Variants in SHC4 observed in about 807,000 individuals in gnomAD.
SHC4 encodes the protein SHC-transforming protein 4.
Under a neutral mutation model 69.4 loss-of-function variants are expected in SHC4, and 41 were observed. The ratio of observed to expected loss-of-function variants is 0.59; its 90% CI spans 0.46 to 0.77. The LOEUF is 0.77. Among genes scored for constraint, SHC4 ranks in the 30% least tolerant of loss-of-function variants. SHC4 has a pLI of 0.00. For synonymous variants in SHC4, 318 were observed against 299.3 expected (o/e 1.06, Z -0.64); for missense variants, 777 against 783.8 (o/e 0.99, Z 0.10).
intron 4 of SHC4, 127 bp from the exon 5 acceptor site, chr15:48,872,269 C>A: frequency 1.8e-6 from 1 of 543,942 alleles, no homozygotes; most frequent in Non-Finnish European, 3.2e-6. Context: ...TGAAAACCAC[C>A]CAACCTACAC....
intron 2 of SHC4, among the ~76,000 whole-genome samples, chr15:48,894,431 T>C (rs948089020): frequency 2.0e-5 from 3 of 152,174 alleles, no homozygotes; most frequent in Non-Finnish European, 4.4e-5. Flanking sequence ...GGAGTTTTGC[T>C]AGTGTGAGGC....
intron 6 of SHC4, among the ~76,000 whole-genome samples, chr15:48,867,285 A>G (rs1734186411): frequency 6.6e-6 from 1 of 152,228 alleles, no homozygotes; most frequent in African/African-American, 2.4e-5. Flanking sequence ...TTGTGATGCA[A>G]CAAGGTAGGA....
intron 11 of SHC4, among the ~76,000 whole-genome samples, chr15:48,829,764 T>C (rs1385939065): frequency 6.6e-5 from 10 of 152,068 alleles, no homozygotes; most frequent in Non-Finnish European, 1.2e-4. Flanking sequence ...ACTAAAAATA[T>C]ATAAATTAGC....
At chr15:48,866,128 G>A (rs1899554365) in intron 6 of SHC4, among the ~76,000 whole-genome samples, 1 of 152,110 alleles carries the variant, frequency 6.6e-6, no homozygotes. Flanking sequence ...AAGACAAAAA[G>A]TGTTGTTGTT....
Position 48,867,851 on chromosome 15 carries a change from C to T in SHC4, c.913G>A (p.Ala305Thr). The change falls in exon 6 of 12, where the codon GCC becomes ACC. Residue 305 changes from alanine to threonine, a missense_variant. By Grantham distance (58) the Ala-to-Thr change is moderately conservative. Transcript: ENST00000332408. ...GGDPDTTDYVAYVAKDPVNQR... is the reference protein window; with the variant it reads ...GGDPDTTDYVTYVAKDPVNQR... ...TTAACTGGATCTTTAGCTACGTAGGCAACATAGTCTGTAGTATCCTATAAA... is the reference window on the plus strand; with the variant it reads ...TTAACTGGATCTTTAGCTACGTAGGTAACATAGTCTGTAGTATCCTATAAA... 1.2e-6 allele frequency: 2 copies of T among 1,613,430 alleles called. No individual in the cohort carries two copies. Among genetic ancestry groups the T allele is most frequent in the South Asian group, 1.1e-5 (1 of 91,022 alleles).
intron 6 of SHC4, among the ~76,000 whole-genome samples, chr15:48,867,593 G>A (rs548840007): frequency 4.6e-5 from 7 of 152,248 alleles, no homozygotes; most frequent in African/African-American, 1.7e-4. Flanking sequence ...CTAAGCCTTT[G>A]GTTTGTGGAT....
chr15:48,841,362 T>C lies in SHC4; in HGVS notation c.1483+2047A>G, dbSNP rs1023810430. Among the ~76,000 whole-genome samples, 7 of 152,248 alleles carry C rather than the reference T, an allele frequency of 4.6e-5. No individual in the cohort carries two copies. In the East Asian group the frequency reaches 1.2e-3, roughly 25 times the overall value. On this transcript the variant is annotated intron_variant, in intron 10 of 11. Coordinates refer to ENST00000332408, the MANE Select transcript of SHC4 (RefSeq NM_203349.4). ...AGTTGAGTAAGCTTAACAGCAAAAA[T>C]CTGAATTTGTTTCACATCTCATCAC...
chr15:48,926,394 T>C (rs1900854375), intron 1 of SHC4, among the ~76,000 whole-genome samples: 1 of 152,148 alleles, frequency 6.6e-6, no homozygotes, highest in Non-Finnish European at 1.5e-5. Context: ...GCAAAAACAC[T>C]GTCAAAAGAT....
intron 6 of SHC4, among the ~76,000 whole-genome samples, 175 bp from the exon 7 acceptor site, chr15:48,857,990 A>C (rs999635761): frequency 1.3e-5 from 2 of 152,214 alleles, no homozygotes; most frequent in Non-Finnish European, 2.9e-5. Flanking sequence ...ACATGAATCA[A>C]AGAGAAGAAA....
chr15:48,950,116 TATA>T (rs1480461651), intron 1 of SHC4, among the ~76,000 whole-genome samples: 7 of 144,086 alleles, frequency 4.9e-5, no homozygotes, highest in Non-Finnish European at 7.6e-5. Flanking sequence ...TACATAATTA[TATA>T]ATAATATGTG....
intron 8 of SHC4, among the ~76,000 whole-genome samples, chr15:48,853,348 A>G (rs1029980532): frequency 6.6e-6 from 1 of 152,260 alleles, no homozygotes; most frequent in Admixed American, 6.5e-5. Context: ...ACACAAATGA[A>G]AAAGCATTCC....
At chr15:48,853,256 T>C (rs1899249848) in intron 8 of SHC4, among the ~76,000 whole-genome samples, 1 of 151,976 alleles carries the variant, frequency 6.6e-6, no homozygotes, top group African/African-American at 2.4e-5. Flanking sequence ...TAAAATAAAA[T>C]ACCTAGGAAT....
At chr15:48,905,931 C>T (rs1050475815) in intron 2 of SHC4, among the ~76,000 whole-genome samples, 1 of 152,154 alleles carries the variant, frequency 6.6e-6, no homozygotes, top group Non-Finnish European at 1.5e-5. Context: ...TTAGCCACAA[C>T]ATATTTTTAG....
intron 8 of SHC4, among the ~76,000 whole-genome samples, chr15:48,853,909 C>T (rs1730170450): frequency 6.6e-6 from 1 of 152,092 alleles, no homozygotes; most frequent in Admixed American, 6.5e-5. Flanking sequence ...TTCTGGACAT[C>T]AGCCTTCGGA....
At chr15:48,855,414 A>G (rs979370538) in intron 8 of SHC4, among the ~76,000 whole-genome samples, 25 of 152,284 alleles carry the variant, frequency 1.6e-4, no homozygotes, top group African/African-American at 6.0e-4. Flanking sequence ...ATGTTAACAC[A>G]AAGACAGGGA....
In SHC4 at chr15:48,947,629, C is replaced by A. The variant is rs547261182; in HGVS notation, c.585+14802G>T. 1.5e-4 allele frequency among the ~76,000 whole-genome samples: 23 copies of A among 152,210 alleles called. No homozygotes were observed. The South Asian group carries it at 4.6e-3, about 30-fold the overall frequency. ...CTGGAGGCCTTTGAGTCCCTAGAAG[C>A]ATTGGGTAAATAAGAGCTAAAATAT... is the stretch of plus-strand genomic sequence containing the variant. On this transcript the variant is annotated intron_variant, in intron 1 of 11. Transcript: ENST00000332408.
intron 1 of SHC4, among the ~76,000 whole-genome samples, chr15:48,952,905 C>T (rs1021457266): frequency 2.6e-5 from 4 of 152,178 alleles, no homozygotes; most frequent in Non-Finnish European, 4.4e-5. Context: ...ACCCAGCAAT[C>T]CCATTACTGG....
Position 48,872,000 on chromosome 15 carries a change from A to G in SHC4, c.894+89T>C, listed in dbSNP as rs538640204. On this transcript the variant is annotated intron_variant, in intron 5 of 11. Transcript: ENST00000332408. ...ATGTAGTGGCTAATATGGTTTATGT[A>G]AAAGTTATTTTATTTTATTATCATC... 115 of 830,238 alleles carry G rather than the reference A, an allele frequency of 1.4e-4. No homozygotes were observed. The South Asian group carries it at 1.8e-3, about 13-fold the overall frequency. 51.4% of individuals were successfully genotyped at this position (830,238 alleles called of 1,614,324 possible).
Position 48,844,145 on chromosome 15 carries a change from C to G in SHC4, c.1304-557G>C, listed in dbSNP as rs1361631848. 2.6e-5 allele frequency among the ~76,000 whole-genome samples: 4 copies of G among 152,314 alleles called. No individual in the cohort carries two copies. In the East Asian group the frequency reaches 7.7e-4, roughly 29 times the overall value. On this transcript the variant is annotated intron_variant, in intron 9 of 11. Coordinates refer to ENST00000332408, the MANE Select transcript of SHC4 (RefSeq NM_203349.4). ...TCTCTATGCTCAAAGTTTGCTCTTG[C>G]CAACCTCAGCCTTGCACCAATTGCT...
Sources: gnomAD v4.1 joint callset for allele counts (sites outside exome capture counted in the v4.1 genomes callset) on GRCh38, gnomAD v4.1.1 for gene constraint, MANE v1.5 for transcripts, NCBI Gene and HGNC (gene_info 2026-07-23, HGNC 2026-07-21) for gene names.